Variants in CENPN observed in about 807,000 individuals in gnomAD.
The protein encoded by CENPN is interphase centromere complex protein 32.
In CENPN, 36 loss-of-function variants were observed where a neutral mutation model predicts 48.6. The observed-to-expected ratio is 0.74, with a 90% CI of 0.57 to 0.98. The LOEUF is 0.98. Among genes scored for constraint, CENPN ranks in the 50% least tolerant of loss-of-function variants. The probability of loss-of-function intolerance (pLI) is 0.00; values close to 1 mark genes in which losing one functional copy is unlikely to be tolerated. For missense variants in CENPN, 439 were observed against 399.2 expected, an observed-to-expected ratio of 1.10 and a Z score of -0.85; for synonymous variants, 166 against 135.2, an observed-to-expected ratio of 1.23 and a Z score of -1.58.
intron 4 of CENPN, 143 bp downstream of exon 4, chr16:81,017,528 G>T: frequency 1.4e-6 from 1 of 697,048 alleles, no homozygotes; most frequent in African/African-American, 1.8e-5. Context: ...AAAAATAGCA[G>T]TATGTTCCTC....
At position 81,020,295 on chromosome 16, in the gene CENPN, C is replaced by G; in HGVS notation, c.531+19C>G. The G allele has an allele frequency of 6.2e-7, 1 of 1,603,002 alleles. No homozygotes were observed. The highest frequency in any genetic ancestry group is 2.2e-5 in the East Asian group (1 of 44,786). On this transcript the variant is annotated intron_variant, in intron 6 of 10. Coordinates refer to ENST00000305850, the MANE Select transcript of CENPN (RefSeq NM_001100624.3). The stretch of plus-strand genomic sequence containing the variant: ...GGGTCAGGTATGGAAAAAATTATTA[C>G]AAGCTATAATATTTTATTATCCTAT...
Position 81,026,195 on chromosome 16 carries a change from GTA to G in CENPN, c.698-323_698-322del, listed in dbSNP as rs557995955. ...TATATATATGTGTGTGTATATATAT[GTA>G]TATATATGTGTGTGTATATATATAT... On this transcript the variant is annotated intron_variant, in intron 8 of 10. Coordinates refer to ENST00000305850, the MANE Select transcript of CENPN (RefSeq NM_001100624.3). Among the ~76,000 whole-genome samples, 258 of 144,328 alleles carry G rather than the reference GTA, an allele frequency of 1.8e-3. 4 individuals carry two copies. Among genetic ancestry groups the G allele is most frequent in the Non-Finnish European group, 4.2e-4 (28 of 66,502 alleles). 94.7% of individuals were successfully genotyped at this position (144,328 alleles called of 152,430 possible).
chr16:81,028,455 G>A, intron 10 of CENPN, 114 bp from the exon 11 acceptor site: 3 of 1,503,332 alleles, frequency 2.0e-6, no homozygotes, highest in Non-Finnish European at 2.7e-6. Context: ...TAATAGGGAG[G>A]AGGGGCATCT....
Position 81,026,559 on chromosome 16 carries a change from A to G in CENPN, c.731A>G (p.Glu244Gly). 5 of 1,604,356 alleles carry G rather than the reference A, an allele frequency of 3.1e-6. No homozygotes were observed. The highest frequency in any genetic ancestry group is 4.3e-6 in the Non-Finnish European group (5 of 1,173,072). The change falls in exon 9 of 11, where the codon GAA becomes GGA. Residue 244 changes from glutamate to glycine, a missense_variant. Glu to Gly is a moderately conservative substitution (Grantham distance 98). Transcript: ENST00000305850. ...AGGATCATTCATGAAAACATAGTAG[A>G]AAAAGAGAGAGTCCAACGAATAACT... ...DSRIIHENIV[E>G]KERVQRITQE...
chr16:81,027,021 G>A (rs896265759), intron 9 of CENPN, among the ~76,000 whole-genome samples: 3 of 151,776 alleles, frequency 2.0e-5, no homozygotes, highest in African/African-American at 4.8e-5. Context: ...GGTCTCGAAC[G>A]GCTGGCCTCA....
At chr16:81,026,916 G>C in intron 9 of CENPN, among the ~76,000 whole-genome samples, 1 of 151,990 alleles carries the variant, frequency 6.6e-6, no homozygotes, top group South Asian at 2.1e-4. Flanking sequence ...TCAGCCTCCC[G>C]AGTAGCTGGG....
rs1334968799 is a variant in CENPN, at chr16:81,012,051, A to G, written c.112A>G (p.Thr38Ala). 1 of 1,614,166 alleles carries G rather than the reference A, an allele frequency of 6.2e-7. No homozygotes were observed. The highest frequency in any genetic ancestry group is 2.2e-5 in the East Asian group (1 of 44,874). Reference sequence around the variant, plus strand: ...TTTTTTGTCTGAAAATCAACTGCAGACTGTAAATTTCCGACAGAGAAAGGA... The same window carrying G: ...TTTTTTGTCTGAAAATCAACTGCAGGCTGTAAATTTCCGACAGAGAAAGGA... Reference protein sequence around the residue: ...WDFLSENQLQTVNFRQRKESV... With the variant: ...WDFLSENQLQAVNFRQRKESV... The change falls in exon 2 of 11, where the codon ACT (threonine) becomes GCT (alanine). Residue 38 changes from threonine (T) to alanine (A), a missense_variant. Coordinates refer to ENST00000305850, the MANE Select transcript of CENPN (RefSeq NM_001100624.3).
chr16:81,026,952 G>A (rs1418284612), intron 9 of CENPN, among the ~76,000 whole-genome samples: 2 of 151,584 alleles, frequency 1.3e-5, no homozygotes, highest in African/African-American at 2.4e-5. Context: ...CACCTCACCT[G>A]GCTAATTTTT....
At chr16:81,020,988 A>C (rs1280959064) in intron 6 of CENPN, among the ~76,000 whole-genome samples, 2 of 151,970 alleles carry the variant, frequency 1.3e-5, no homozygotes, top group East Asian at 1.9e-4. Flanking sequence ...GTTACTTGGG[A>C]GGCTGAGGCA....
downstream of CENPN, chr16:81,032,507 T>C (rs1161909398): frequency 2.0e-6 from 3 of 1,488,236 alleles, no homozygotes; most frequent in Admixed American, 2.3e-5. Flanking sequence ...ATAAAACTTG[T>C]ATGTCTTTTC....
chr16:81,010,258 G>A (rs983768072), intron 1 of CENPN, among the ~76,000 whole-genome samples: 2 of 152,218 alleles, frequency 1.3e-5, no homozygotes, highest in Admixed American at 1.3e-4. Context: ...TTTGAAGAGA[G>A]AGAGAGAGAT....
chr16:81,016,212 C>T (rs1969924808), intron 3 of CENPN, among the ~76,000 whole-genome samples: 1 of 151,998 alleles, frequency 6.6e-6, no homozygotes, highest in South Asian at 2.1e-4. Context: ...ATTCGTTCAT[C>T]AAACATATAC....
intron 10 of CENPN, 65 bp downstream of exon 10, chr16:81,028,362 A>G: frequency 6.3e-7 from 1 of 1,580,032 alleles, no homozygotes; most frequent in East Asian, 2.2e-5. Flanking sequence ...CATCCTTATA[A>G]TCTGCTAATT....
chr16:81,026,187 A>G (rs909639343), intron 8 of CENPN, among the ~76,000 whole-genome samples: 37 of 145,580 alleles, frequency 2.5e-4, no homozygotes, highest in African/African-American at 7.4e-4. Context: ...ATGTGTGTGT[A>G]TATATATGTA....
intron 3 of CENPN, among the ~76,000 whole-genome samples, chr16:81,015,795 C>T (rs1311305762): frequency 6.6e-6 from 1 of 152,178 alleles, no homozygotes; most frequent in East Asian, 1.9e-4. Context: ...CACCTGAGGT[C>T]AGGAGTTGGA....
intron 9 of CENPN, among the ~76,000 whole-genome samples, chr16:81,027,804 A>G (rs1177863978): frequency 6.6e-6 from 1 of 152,186 alleles, no homozygotes; most frequent in Non-Finnish European, 1.5e-5. Context: ...TCCTGGGTTC[A>G]AGCAATTCTC....
chr16:81,031,758 A>T (rs188232176), downstream of CENPN, among the ~76,000 whole-genome samples: 79 of 152,206 alleles, frequency 5.2e-4, no homozygotes, highest in Non-Finnish European at 9.3e-4. Context: ...ACGTGCCACC[A>T]TGCCCAGCTA....
chr16:81,008,021 C>T (rs1242817322), intron 1 of CENPN, among the ~76,000 whole-genome samples: 1 of 152,022 alleles, frequency 6.6e-6, no homozygotes, highest in African/African-American at 2.4e-5. Context: ...GCAGGAGAAG[C>T]GCATGAACCC....
chr16:81,007,367 C>T (rs1462678485), intron 1 of CENPN, 90 bp downstream of exon 1: 18 of 152,250 alleles, frequency 1.2e-4, no homozygotes, highest in Admixed American at 9.8e-4. Flanking sequence ...GTGGCTTTTT[C>T]GCAATTGTCG....
Sources: allele counts gnomAD v4.1 joint callset (sites outside exome capture counted in the v4.1 genomes callset), GRCh38; gene constraint gnomAD v4.1.1; transcripts MANE v1.5; gene names NCBI Gene and HGNC (gene_info 2026-07-23, HGNC 2026-07-21).